The following LRFN3 variants were observed in gnomAD, a reference collection of about 807,000 sequenced individuals.
LRFN3 encodes the protein leucine rich repeat and fibronectin type III domain containing 3.
A neutral mutation model predicts 23.8 loss-of-function variants in LRFN3; 8 were observed. The observed-to-expected ratio is 0.34, with a 90% CI of 0.20 to 0.61. The LOEUF (loss-of-function observed/expected upper bound fraction) is 0.61. Ranked by LOEUF, LRFN3 falls within the 20% of genes least tolerant of loss-of-function variation. LRFN3 has a pLI of 0.80. For missense variants in LRFN3, 736 were observed against 935.3 expected, an observed-to-expected ratio of 0.79 and a Z score of 2.78; for synonymous variants, 451 against 450.6, an observed-to-expected ratio of 1.00 and a Z score of -0.01.
chr19:35,937,838 A>G (rs1259034223), intron 1 of LRFN3, among the ~76,000 whole-genome samples: 4 of 151,438 alleles, frequency 2.6e-5, no homozygotes, highest in Admixed American at 6.6e-5. Context: ...CGTCTCCGCC[A>G]CCTCTCTTGT....
chr19:35,944,052 T>C lies in LRFN3; in HGVS notation c.1416-496T>C, dbSNP rs1036314596. On this transcript the variant is annotated intron_variant, in intron 2 of 2. Coordinates refer to ENST00000246529, the MANE Select transcript of LRFN3 (RefSeq NM_024509.2). The surrounding 1 kb of genome is among the most constrained non-coding windows in gnomAD (Gnocchi z 4.5). The stretch of plus-strand genomic sequence containing the variant: ...AAAAAATTTAAAAATTAGCTGGGCA[T>C]GGTAGTGCACACCTGTAGTTCCTGC... Among the ~76,000 whole-genome samples, 1 of 152,142 alleles carries C rather than the reference T, an allele frequency of 6.6e-6. No individual in the cohort carries two copies. The highest frequency in any genetic ancestry group is 1.5e-5 in the Non-Finnish European group (1 of 68,028).
rs766749662 is a variant in LRFN3, at chr19:35,939,575, C to A, written c.150C>A (p.Leu50=). 1 of 1,608,678 alleles carries A rather than the reference C, an allele frequency of 6.2e-7. No homozygotes were observed. ...GCGTGCTGTGCCCAGGGGCAGGCCT[C>A]CTGTTCGTGCCACCCTCGCTGGACC... ...PLSVLCPGAG[L]LFVPPSLDRR... is the part of the protein sequence containing the mutation. The change falls in exon 2 of 3, where the codon CTC becomes CTA. Residue 50 remains leucine, a synonymous_variant. Transcript: ENST00000246529. The surrounding 1 kb of genome is among the most constrained non-coding windows in gnomAD (Gnocchi z 6.4).
In LRFN3 at chr19:35,937,315, C is replaced by G. The variant is rs1415979996; in HGVS notation, c.-257C>G. ...AAGACTGGACCTGGGAGACCCTGAC[C>G]CTGAACAACCCAAACTGGACCCGTA... On this transcript the variant is annotated 5_prime_UTR_variant, in exon 1 of 3. Transcript: ENST00000246529. 1 of 152,360 alleles carries G rather than the reference C, an allele frequency of 6.6e-6. No homozygotes were observed. The highest frequency in any genetic ancestry group is 1.5e-5 in the Non-Finnish European group (1 of 68,200). 9.4% of individuals were successfully genotyped at this position (152,360 alleles called of 1,614,324 possible).
At chr19:35,938,701 C>T (rs1392407607) in intron 1 of LRFN3, among the ~76,000 whole-genome samples, 1 of 152,146 alleles carries the variant, frequency 6.6e-6, no homozygotes. Flanking sequence ...CCGTTTCTGA[C>T]CACGTGTCTC....
Position 35,940,805 on chromosome 19 carries a change from G to A in LRFN3, c.1380G>A (p.Gln460=). 2 of 1,593,248 alleles carry A rather than the reference G, an allele frequency of 1.3e-6. No individual in the cohort carries two copies. The highest frequency in any genetic ancestry group is 1.3e-5 in the African/African-American group (1 of 74,718). Residue 460 remains glutamine (Q), a synonymous_variant, in exon 2 of 3, where the codon CAG becomes CAA. Coordinates refer to ENST00000246529, the MANE Select transcript of LRFN3 (RefSeq NM_024509.2). ...CGGGCATCCGCATGTACCAGATCCA[G>A]TACAACAGCTCGGCTGATGACATCC... ...PIPGIRMYQI[Q]YNSSADDILV... is the part of the protein sequence containing the mutation.
chr19:35,937,820 G>A (rs1045971131), intron 1 of LRFN3, among the ~76,000 whole-genome samples: 8 of 152,060 alleles, frequency 5.3e-5, no homozygotes, highest in African/African-American at 4.8e-5. Context: ...CTGTCTATCC[G>A]GTCCGACCGT....
At chr19:35,940,907 C>T in intron 2 of LRFN3, 67 bp downstream of exon 2, 8 of 1,449,544 alleles carry the variant, frequency 5.5e-6, no homozygotes, top group Non-Finnish European at 6.4e-6. Context: ...TGAGGGTACA[C>T]CTACTAATAC....
At position 35,939,764 on chromosome 19, in the gene LRFN3, C is replaced by T. The variant is rs1976095504; in HGVS notation, c.339C>T (p.His113=). The part of the protein sequence containing the change: ...FADLRALRAL[H]LDGNRLTSLG... ...ACCTGCGGGCCCTGCGTGCCCTGCA[C>T]CTGGATGGCAACCGGCTGACCTCAC... The change falls in exon 2 of 3, where the codon CAC becomes CAT. Residue 113 remains histidine, a synonymous_variant. Transcript: ENST00000246529. The surrounding 1 kb of genome is among the most constrained non-coding windows in gnomAD (Gnocchi z 6.4). The T allele has an allele frequency of 6.2e-7, 1 of 1,604,952 alleles. No individual in the cohort carries two copies. The highest frequency in any genetic ancestry group is 8.5e-7 in the Non-Finnish European group (1 of 1,179,530).
At position 35,937,202 on chromosome 19, in the gene LRFN3, T is replaced by C. The variant is rs1976066847; in HGVS notation, c.-370T>C. On this transcript the variant is annotated 5_prime_UTR_variant, in exon 1 of 3. Transcript: ENST00000246529. ...AAATCTGGGGCTTGAGACCTCCCAA[T>C]CTTGACTCAGCACCCCAATATCTGA... 6.6e-6 allele frequency: 1 copy of C among 152,078 alleles called. No homozygotes were observed. The highest frequency in any genetic ancestry group is 1.9e-4 in the East Asian group (1 of 5,196). The allele number at this position is 152,078 out of a possible 1,614,324, so 9.4% of individuals were successfully genotyped here.
rs371284628 is a variant in LRFN3 at position 35,940,413 on chromosome 19, G to A, written c.988G>A (p.Val330Met). 62 of 1,588,622 alleles carry A rather than the reference G, an allele frequency of 3.9e-5. No homozygotes were observed. Among genetic ancestry groups the A allele is most frequent in the Middle Eastern group, 1.8e-4 (1 of 5,542 alleles). The change falls in exon 2 of 3, where the codon GTG (valine) becomes ATG (methionine). Residue 330 changes from valine (V) to methionine (M), a missense_variant. Physicochemically the swap from Val to Met is conservative, Grantham distance 21. Transcript: ENST00000246529. The stretch of plus-strand genomic sequence containing the variant: ...GGACCCAGAGCCCCGTGTGCGTTGG[G>A]TGTCACCCCAGGGCCGGCTGCTAGG... The part of the protein sequence containing the change: ...VGDPEPRVRW[V>M]SPQGRLLGNS...
intron 2 of LRFN3, among the ~76,000 whole-genome samples, chr19:35,943,152 A>C (rs1194055989): frequency 4.6e-5 from 7 of 152,162 alleles, no homozygotes; most frequent in Admixed American, 3.9e-4. Context: ...CTCTCTCATT[A>C]GAATAGCCTA....
chr19:35,939,401 T>G lies in LRFN3; in HGVS notation c.-16-9T>G. ...TCTTCTGCCCTCACGCCTCCCCTCT[T>G]CTCCGCAGGACACCCCTGCCCGCGA... On this transcript the variant is annotated splice_polypyrimidine_tract_variant and intron_variant, in intron 1 of 2. Coordinates refer to ENST00000246529, the MANE Select transcript of LRFN3 (RefSeq NM_024509.2). The surrounding 1 kb of genome is among the most constrained non-coding windows in gnomAD (Gnocchi z 6.4). 1 of 1,553,250 alleles carries G rather than the reference T, an allele frequency of 6.4e-7. No homozygotes were observed. Among genetic ancestry groups the G allele is most frequent in the Non-Finnish European group, 8.7e-7 (1 of 1,151,714 alleles).
rs1395181089 is a variant in LRFN3, at chr19:35,946,057, G to C, written c.*1038G>C. 6.6e-6 allele frequency among the ~76,000 whole-genome samples: 1 copy of C among 152,112 alleles called. No homozygotes were observed. Among genetic ancestry groups the C allele is most frequent in the Non-Finnish European group, 1.5e-5 (1 of 68,004 alleles). ...TGGGTTATGGAGCTGCGGGGCCATG[G>C]GGTGGGGCAGGAAGATGGTGGGGAC... On this transcript the variant is annotated 3_prime_UTR_variant, in exon 3 of 3. Transcript: ENST00000246529.
chr19:35,937,020 A>T lies in LRFN3; in HGVS notation c.-552A>T, dbSNP rs1395086840. 6.6e-6 allele frequency: 1 copy of T among 152,204 alleles called. No homozygotes were observed. Among genetic ancestry groups the T allele is most frequent in the African/African-American group, 2.4e-5 (1 of 41,430 alleles). 9.4% of individuals were successfully genotyped at this position (152,204 alleles called of 1,614,324 possible). Reference sequence around the variant, plus strand: ...TGAATTCTGGGCCTGGGACCTTGAAATCTGGGACTGGATTTCCAGTACTGT... The same window carrying T: ...TGAATTCTGGGCCTGGGACCTTGAATTCTGGGACTGGATTTCCAGTACTGT... On this transcript the variant is annotated 5_prime_UTR_variant, in exon 1 of 3. Transcript: ENST00000246529.
In LRFN3 at chr19:35,944,484, TG is replaced by T. The variant is rs1345850662; in HGVS notation, c.1416-59del. ...AAGTCTAGCCCCGCAGGGAGTTTGG[TG>T]GGGGAAGCACAGGTTGGGGGCTGGG... On this transcript the variant is annotated intron_variant, in intron 2 of 2. Coordinates refer to ENST00000246529, the MANE Select transcript of LRFN3 (RefSeq NM_024509.2). The surrounding 1 kb of genome is among the most constrained non-coding windows in gnomAD (Gnocchi z 4.5). 1.7e-6 allele frequency: 2 copies of T among 1,189,364 alleles called. No individual in the cohort carries two copies. The highest frequency in any genetic ancestry group is 2.2e-6 in the Non-Finnish European group (2 of 900,644). The allele number at this position is 1,189,364 out of a possible 1,614,324, so 73.7% of individuals were successfully genotyped here.
Position 35,940,711 on chromosome 19 carries a change from G to A in LRFN3, c.1286G>A (p.Arg429His), listed in dbSNP as rs761961711. 18 of 1,613,508 alleles carry A rather than the reference G, an allele frequency of 1.1e-5. No homozygotes were observed. The highest frequency in any genetic ancestry group is 1.5e-5 in the Non-Finnish European group (18 of 1,179,968). Residue 429 changes from arginine (R) to histidine (H), a missense_variant, in exon 2 of 3, where the codon CGT (arginine) becomes CAT (histidine). Physicochemically the swap from Arg to His is conservative, Grantham distance 29. Coordinates refer to ENST00000246529, the MANE Select transcript of LRFN3 (RefSeq NM_024509.2). The part of the protein sequence containing the change: ...KVADTGPPTD[R>H]GVQVTEHGAT... ...GCCGACACTGGGCCCCCTACCGACC[G>A]TGGCGTCCAGGTGACTGAGCACGGG...
In LRFN3 at chr19:35,944,710, A is replaced by G. The variant is rs760316868; in HGVS notation, c.1578A>G (p.Pro526=). 6.3e-5 allele frequency: 101 copies of G among 1,604,466 alleles called. 1 individual carries two copies. The Admixed American group carries it at 1.7e-3, about 27-fold the overall frequency. ...TCTCCACCGAACCTGCGCTGCGGCCATGCGGGGCGCCGCACGCTCCCTTCC... is the reference window on the plus strand; with the variant it reads ...TCTCCACCGAACCTGCGCTGCGGCCGTGCGGGGCGCCGCACGCTCCCTTCC... ...ARFSTEPALR[P]CGAPHAPFLG... The change falls in exon 3 of 3, where the codon CCA becomes CCG. Residue 526 remains proline, a synonymous_variant. Coordinates refer to ENST00000246529, the MANE Select transcript of LRFN3 (RefSeq NM_024509.2). The surrounding 1 kb of genome is among the most constrained non-coding windows in gnomAD (Gnocchi z 4.5).
In LRFN3 at chr19:35,944,744, A is replaced by G. The variant is rs1344217587; in HGVS notation, c.1612A>G (p.Thr538Ala). ...GAPHAPFLGG[T>A]MIIALGGVIV... ...GCCGCACGCTCCCTTCCTGGGCGGC[A>G]CGATGATCATCGCGCTGGGCGGCGT... The change falls in exon 3 of 3, where the codon ACG becomes GCG. Residue 538 changes from threonine (T) to alanine (A), a missense_variant. This residue lies in a region of LRFN3 where 290 missense variants were observed against 287.4 expected (regional missense o/e 1.01). Transcript: ENST00000246529. This position sits in a 1 kb window ranked among gnomAD's most constrained non-coding sequence, Gnocchi z 4.5. 6.2e-7 allele frequency: 1 copy of G among 1,608,324 alleles called. No homozygotes were observed. Among genetic ancestry groups the G allele is most frequent in the East Asian group, 2.2e-5 (1 of 44,718 alleles).
Position 35,940,622 on chromosome 19 carries a change from C to T in LRFN3, c.1197C>T (p.Pro399=). Residue 399 remains proline, a synonymous_variant, in exon 2 of 3, where the codon CCC becomes CCT. Coordinates refer to ENST00000246529, the MANE Select transcript of LRFN3 (RefSeq NM_024509.2). ...TAGCCAACAGCACCAGCTGTGACCC[C>T]CCGCGGGACGGGGATCCTGATGCTC... ...PQLANSTSCD[P]PRDGDPDALT... 1 of 1,610,102 alleles carries T rather than the reference C, an allele frequency of 6.2e-7. No homozygotes were observed. The highest frequency in any genetic ancestry group is 8.5e-7 in the Non-Finnish European group (1 of 1,177,270).
Sources: gnomAD v4.1 joint callset for allele counts (sites outside exome capture counted in the v4.1 genomes callset) on GRCh38, gnomAD v4.1.1 for gene constraint, gnomAD v4.1.1 regional missense constraint, Gnocchi (gnomAD v3.1) non-coding constraint, MANE v1.5 for transcripts, NCBI Gene and HGNC (gene_info 2026-07-23, HGNC 2026-07-21) for gene names.